LY9: variants seen among roughly 807,000 people sequenced by gnomAD.
LY9 encodes the protein T-lymphocyte surface antigen Ly-9.
LY9 carries 59 observed loss-of-function variants against 64.6 expected under a neutral mutation model. The observed-to-expected ratio is 0.91, with a 90% CI of 0.74 to 1.13. The LOEUF (loss-of-function observed/expected upper bound fraction) is 1.13, where lower values mean the gene tolerates loss of function less well. LY9 is among the 50% of genes most tolerant of loss of function. The pLI is 0.00. For synonymous variants in LY9, 281 were observed against 308.5 expected, an observed-to-expected ratio of 0.91 and a Z score of 0.93; for missense variants, 789 against 797.2, an observed-to-expected ratio of 0.99 and a Z score of 0.12.
chr1:160,817,353 C>A (rs1299594534), intron 5 of LY9, among the ~76,000 whole-genome samples: 1 of 152,168 alleles, frequency 6.6e-6, no homozygotes, highest in Non-Finnish European at 1.5e-5. Context: ...AATTGAGTAG[C>A]CATTTTTAAA....
At chr1:160,808,122 C>G (rs1210255603) in intron 2 of LY9, among the ~76,000 whole-genome samples, 2 of 152,200 alleles carry the variant, frequency 1.3e-5, no homozygotes, top group Non-Finnish European at 2.9e-5. Context: ...CAAGCCAGCA[C>G]TAGCTGCAGG....
intron 2 of LY9, among the ~76,000 whole-genome samples, chr1:160,809,097 A>T (rs976577877): frequency 6.6e-6 from 1 of 152,038 alleles, no homozygotes; most frequent in African/African-American, 2.4e-5. Context: ...TTGTGCACCT[A>T]TCTTTTCACG....
chr1:160,803,399 A>G (rs1408038437), intron 2 of LY9, among the ~76,000 whole-genome samples: 1 of 152,172 alleles, frequency 6.6e-6, no homozygotes, highest in Non-Finnish European at 1.5e-5. Context: ...GGTCATTTTA[A>G]CAATATTGAT....
Position 160,797,229 on chromosome 1 carries a change from C to A in LY9, c.124+918C>A, listed in dbSNP as rs375707946. 12 of 985,568 alleles carry A rather than the reference C, an allele frequency of 1.2e-5. No homozygotes were observed. In the African/African-American group the frequency reaches 2.1e-4, roughly 17 times the overall value. 61.1% of individuals were successfully genotyped at this position (985,568 alleles called of 1,614,324 possible). On this transcript the variant is annotated intron_variant, in intron 1 of 9. Transcript: ENST00000263285. ...CACCTGGGACTGTGGCAGCTACTGTCCTTCTGTGCTCCCGCTTTCTCCAGG... is the reference window on the plus strand; with the variant it reads ...CACCTGGGACTGTGGCAGCTACTGTACTTCTGTGCTCCCGCTTTCTCCAGG...
intron 2 of LY9, chr1:160,811,735 A>G (rs1667490910): frequency 6.6e-6 from 1 of 152,202 alleles, no homozygotes; most frequent in Non-Finnish European, 1.5e-5. Flanking sequence ...CACCAGCAAC[A>G]CATTTAATAT....
chr1:160,802,126 C>G (rs1010924677), intron 2 of LY9: 1 of 1,356,708 alleles, frequency 7.4e-7, no homozygotes, highest in Non-Finnish European at 9.5e-7. Context: ...CTTGGAGACT[C>G]CTGGTCTGTG....
intron 4 of LY9, 197 bp downstream of exon 4, chr1:160,814,958 G>A (rs943115693): frequency 1.8e-5 from 11 of 594,606 alleles, no homozygotes; most frequent in Admixed American, 3.0e-5. Context: ...AAGTCTACCC[G>A]CCAAAGTGCC....
At chr1:160,810,371 G>A (rs567520427) in intron 2 of LY9, 9 of 152,308 alleles carry the variant, frequency 5.9e-5, no homozygotes, top group Admixed American at 4.6e-4. Flanking sequence ...GGCAGGTTCG[G>A]TTTTTCCTGG....
At chr1:160,824,617 A>G (rs761990628) in intron 9 of LY9, 14 of 982,992 alleles carry the variant, frequency 1.4e-5, no homozygotes, top group East Asian at 1.1e-4. Flanking sequence ...AAATTAGCTA[A>G]CAATTTAACA....
Position 160,814,751 on chromosome 1 carries a change from G to A in LY9, c.1062G>A (p.Leu354=). 1 of 1,612,522 alleles carries A rather than the reference G, an allele frequency of 6.2e-7. No homozygotes were observed. Among genetic ancestry groups the A allele is most frequent in the Non-Finnish European group, 8.5e-7 (1 of 1,179,186 alleles). The change falls in exon 4 of 10, where the codon CTG becomes CTA. Residue 354 remains leucine (L), a synonymous_variant. Coordinates refer to ENST00000263285, the MANE Select transcript of LY9 (RefSeq NM_002348.4). ...SSVTSMTHVT[L]LIYRRLRKPK... is the part of the protein sequence containing the mutation. ...TCACCAGCATGACACATGTCACCCT[G>A]CTCATCTACCGTGAGTCTCTGGGCA... is the stretch of plus-strand genomic sequence containing the variant.
At position 160,814,454 on chromosome 1, in the gene LY9, G is replaced by T. The variant is rs1156375850; in HGVS notation, c.765G>T (p.Glu255Asp). Residue 255 changes from glutamate (E) to aspartate (D), a missense_variant, in exon 4 of 10, where the codon GAG (glutamate) becomes GAT (aspartate). Physicochemically the swap from Glu to Asp is conservative, Grantham distance 45 (BLOSUM62 2). Transcript: ENST00000263285. ...PGASRGGTTG[E>D]TVVGVLGEPV... Reference sequence around the variant, plus strand: ...CCTCCAGAGGAGGAACAACGGGGGAGACTGTGGTAGGGGTCCTGGGAGAGC... The same window carrying T: ...CCTCCAGAGGAGGAACAACGGGGGATACTGTGGTAGGGGTCCTGGGAGAGC... The T allele has an allele frequency of 6.2e-7, 1 of 1,613,600 alleles. No homozygotes were observed. Among genetic ancestry groups the T allele is most frequent in the Admixed American group, 1.7e-5 (1 of 59,998 alleles).
At position 160,818,223 on chromosome 1, in the gene LY9, G is replaced by A. The variant is rs1035298352; in HGVS notation, c.1348G>A (p.Glu450Lys). The A allele has an allele frequency of 6.2e-7, 1 of 1,611,746 alleles. No individual in the cohort carries two copies. Among genetic ancestry groups the A allele is most frequent in the Admixed American group, 1.7e-5 (1 of 59,980 alleles). ...CACTCATTTCCTCCTCAAAGGACCT[G>A]AGAGAAACACAAAGCTTTGGATTGG... ...FLSENICSGP[E>K]RNTKLWIGLF... Residue 450 changes from glutamate (E) to lysine (K), a missense_variant, in exon 6 of 10, where the codon GAG becomes AAG. Coordinates refer to ENST00000263285, the MANE Select transcript of LY9 (RefSeq NM_002348.4).
Position 160,827,843 on chromosome 1 carries a change from C to G in LY9, c.*27C>G. The G allele has an allele frequency of 6.3e-7, 1 of 1,594,906 alleles. No individual in the cohort carries two copies. Among genetic ancestry groups the G allele is most frequent in the Non-Finnish European group, 8.6e-7 (1 of 1,167,318 alleles). On this transcript the variant is annotated 3_prime_UTR_variant, in exon 10 of 10. Transcript: ENST00000263285. ...AGGAAAAGCAGCTGCTGCCTCTCTCCTGGGACCGTGGGGTTGGAAAGTCAG... is the reference window on the plus strand; with the variant it reads ...AGGAAAAGCAGCTGCTGCCTCTCTCGTGGGACCGTGGGGTTGGAAAGTCAG...
intron 6 of LY9, 55 bp from the exon 7 acceptor site, chr1:160,819,266 G>A: frequency 3.8e-6 from 5 of 1,331,540 alleles, no homozygotes; most frequent in Non-Finnish European, 5.4e-6. Context: ...CAGAATAAAA[G>A]ACACCTCTCA....
At chr1:160,827,424 C>T (rs1668916002) in intron 9 of LY9, among the ~76,000 whole-genome samples, 1 of 152,178 alleles carries the variant, frequency 6.6e-6, no homozygotes, top group South Asian at 2.1e-4. Flanking sequence ...TTTTGTTTCT[C>T]CAGCTAGGGC....
chr1:160,821,151 T>TAAAAAAAAAAAAAAAA (rs373539992), intron 7 of LY9, among the ~76,000 whole-genome samples: 1,540 of 104,618 alleles, frequency 0.015, 56 homozygotes, highest in East Asian at 0.017. Flanking sequence ...GAAACTTTGC[T>TAAAAAAAAAAAAAAAA]AAAAAAAAAA....
intron 2 of LY9, chr1:160,812,415 A>AC (rs1667549404): frequency 7.1e-6 from 1 of 141,010 alleles, no homozygotes; most frequent in Admixed American, 7.6e-5. Flanking sequence ...AGCTCATAAC[A>AC]CCATCTTTCT....
intron 6 of LY9, 116 bp from the exon 7 acceptor site, chr1:160,819,205 C>A: frequency 1.2e-6 from 1 of 820,278 alleles, no homozygotes; most frequent in Non-Finnish European, 2.1e-6. Flanking sequence ...TTCCTGAAGC[C>A]TTTTCCCTGT....
intron 6 of LY9, among the ~76,000 whole-genome samples, chr1:160,818,832 C>T (rs1668156195): frequency 6.6e-6 from 1 of 152,172 alleles, no homozygotes; most frequent in Admixed American, 6.5e-5. Context: ...TTCCCTCTAA[C>T]TCCAATTTAA....
Sources: gnomAD v4.1 joint callset for allele counts (sites outside exome capture counted in the v4.1 genomes callset) on GRCh38, gnomAD v4.1.1 for gene constraint, MANE v1.5 for transcripts, NCBI Gene and HGNC (gene_info 2026-07-23, HGNC 2026-07-21) for gene names.